The following NECTIN1 variants were observed in gnomAD, a reference collection of about 807,000 sequenced individuals.
The protein encoded by NECTIN1 is nectin cell adhesion molecule 1.
A neutral mutation model predicts 48.0 loss-of-function variants in NECTIN1; 23 were observed. The ratio of observed to expected loss-of-function variants is 0.48; its 90% confidence interval spans 0.34 to 0.68. The LOEUF (loss-of-function observed/expected upper bound fraction) is 0.68. Among genes scored for constraint, NECTIN1 ranks in the 30% least tolerant of loss-of-function variants. NECTIN1 has a pLI of 0.01. For synonymous variants in NECTIN1, 270 were observed against 288.9 expected (o/e 0.93, Z 0.66); for missense variants, 591 against 709.9 (o/e 0.83, Z 1.90).
rs1865104635 is a variant in NECTIN1, at chr11:119,683,792, C to A, written c.80-5027G>T. Among the ~76,000 whole-genome samples the A allele has an allele frequency of 6.6e-6, 1 of 152,014 alleles. No individual in the cohort carries two copies. On this transcript the variant is annotated intron_variant, in intron 1 of 5. Transcript: ENST00000264025. The surrounding 1 kb of genome is among the most constrained non-coding windows in gnomAD (Gnocchi z 4.0). Reference sequence around the variant, plus strand: ...GCACTGCCTATATTCTCCCTGACCACCCTATGAGCTCCAGGATCTGGGACC... The same window carrying A: ...GCACTGCCTATATTCTCCCTGACCAACCTATGAGCTCCAGGATCTGGGACC...
chr11:119,712,796 G>A (rs1396249483), intron 1 of NECTIN1: 6 of 152,224 alleles, frequency 3.9e-5, no homozygotes, highest in African/African-American at 1.4e-4. Context: ...TAAACTGCCA[G>A]TCCTGGAGTC....
intron 5 of NECTIN1, chr11:119,641,386 C>T (rs993655526): frequency 6.6e-6 from 1 of 152,234 alleles, no homozygotes; most frequent in Admixed American, 6.5e-5. Context: ...ACTTAAGTTC[C>T]TCCAAGAGTT....
chr11:119,647,267 C>T (rs1323167449), intron 5 of NECTIN1, among the ~76,000 whole-genome samples: 1 of 148,946 alleles, frequency 6.7e-6, no homozygotes, highest in East Asian at 2.0e-4. Context: ...TCACTTCCCA[C>T]TTCACCTAGG....
In NECTIN1 at chr11:119,677,958, C is replaced by T; in HGVS notation, c.431-101G>A. 8.2e-7 allele frequency: 1 copy of T among 1,215,478 alleles called. No individual in the cohort carries two copies. Among genetic ancestry groups the T allele is most frequent in the South Asian group, 1.3e-5 (1 of 79,000 alleles). The allele number at this position is 1,215,478 out of a possible 1,614,324, so 75.3% of individuals were successfully genotyped here. A position where few individuals can be genotyped will look rare whatever the true frequency, so the allele number is the denominator to read the frequency against. Reference sequence around the variant, plus strand: ...ATCCGTCAGGCCTTGTCTTCAGGTCCCCTTGGCCATCCCTGCCTCTCAGCT... The same window carrying T: ...ATCCGTCAGGCCTTGTCTTCAGGTCTCCTTGGCCATCCCTGCCTCTCAGCT... On this transcript the variant is annotated intron_variant, in intron 2 of 5. Coordinates refer to ENST00000264025, the MANE Select transcript of NECTIN1 (RefSeq NM_002855.5). The surrounding 1 kb of genome is among the most constrained non-coding windows in gnomAD (Gnocchi z 5.4).
chr11:119,655,343 G>A (rs532175725), intron 5 of NECTIN1, among the ~76,000 whole-genome samples: 49 of 152,064 alleles, frequency 3.2e-4, no homozygotes, highest in African/African-American at 1.1e-3. Context: ...TAAAAATCCC[G>A]TACTAAAAAT....
chr11:119,674,410 C>T (rs1202165563), intron 5 of NECTIN1: 3 of 1,518,022 alleles, frequency 2.0e-6, no homozygotes, highest in Non-Finnish European at 2.7e-6. Flanking sequence ...GAACATTGGC[C>T]ATTTATTGAC....
intron 1 of NECTIN1, chr11:119,713,901 G>A (rs776316010): frequency 6.6e-6 from 3 of 455,734 alleles, no homozygotes; most frequent in South Asian, 3.1e-5. Flanking sequence ...TGCCAGGGGG[G>A]TGCCAAGGAG....
At chr11:119,638,622 G>A (rs1297332268) in intron 7 of NECTIN1, 10 of 1,015,462 alleles carry the variant, frequency 9.8e-6, no homozygotes, top group Non-Finnish European at 1.5e-5. Context: ...ACTGGACCAT[G>A]AAGGCGTGGC....
chr11:119,712,931 C>G (rs1311983742), intron 1 of NECTIN1: 1 of 152,220 alleles, frequency 6.6e-6, no homozygotes, highest in Non-Finnish European at 1.5e-5. Context: ...CATCTGCTGA[C>G]TGACCTCACC....
At chr11:119,686,335 G>C (rs1865153787) in intron 1 of NECTIN1, among the ~76,000 whole-genome samples, 1 of 152,010 alleles carries the variant, frequency 6.6e-6, no homozygotes, top group Non-Finnish European at 1.5e-5. Flanking sequence ...TTGAACCTTA[G>C]CACCTGCCAT....
intron 1 of NECTIN1, 132 bp downstream of exon 1, chr11:119,728,343 C>G (rs1035056693): frequency 1.2e-6 from 1 of 841,018 alleles, no homozygotes; most frequent in Non-Finnish European, 1.9e-6. Flanking sequence ...CCTCCCACCC[C>G]CTTTACCCAA....
chr11:119,641,161 A>C (rs1864318182), intron 5 of NECTIN1: 1 of 152,112 alleles, frequency 6.6e-6, no homozygotes, highest in African/African-American at 2.4e-5. Context: ...CCTGTCTGCA[A>C]AGGCTCTGGC....
downstream of NECTIN1, among the ~76,000 whole-genome samples, chr11:119,656,994 A>C (rs1052677879): frequency 1.3e-5 from 2 of 151,876 alleles, no homozygotes; most frequent in African/African-American, 4.8e-5. Context: ...AACCCCAAAA[A>C]CCTGCTTCAC....
chr11:119,686,530 C>G (rs1438140364), intron 1 of NECTIN1, among the ~76,000 whole-genome samples: 20 of 152,206 alleles, frequency 1.3e-4, no homozygotes, highest in Non-Finnish European at 2.5e-4. Context: ...TTCAGACCCT[C>G]CCATGGTATC....
rs184767627 is a variant in NECTIN1 at position 119,673,853 on chromosome 11, C to T, written c.1003+1306G>A. On this transcript the variant is annotated intron_variant, in intron 5 of 5. Transcript: ENST00000264025. The surrounding 1 kb of genome is among the most constrained non-coding windows in gnomAD (Gnocchi z 5.8). ...CACCGGCCCCTTCCACCTGCCAACC[C>T]GTGGAAACCCCCCAGCTTTCCCCAG... is the stretch of plus-strand genomic sequence containing the variant. Among the ~76,000 whole-genome samples the T allele has an allele frequency of 2.3e-3, 350 of 152,314 alleles. 3 individuals are homozygous for T. Among genetic ancestry groups the T allele is most frequent in the Non-Finnish European group, 3.8e-3 (260 of 68,038 alleles).
At chr11:119,686,763 G>A (rs1371272061) in intron 1 of NECTIN1, among the ~76,000 whole-genome samples, 1 of 152,174 alleles carries the variant, frequency 6.6e-6, no homozygotes, top group Admixed American at 6.5e-5. Flanking sequence ...TTTCAAGGGG[G>A]AGGCTTCCCG....
Position 119,665,749 on chromosome 11 carries a change from G to C in NECTIN1, c.1004-452C>G, listed in dbSNP as rs1864757878. On this transcript the variant is annotated intron_variant, in intron 5 of 5. Coordinates refer to ENST00000264025, the MANE Select transcript of NECTIN1 (RefSeq NM_002855.5). The surrounding 1 kb of genome is among the most constrained non-coding windows in gnomAD (Gnocchi z 5.1). ...GCAGAGGTTAAAGAACTTGCCTGAG[G>C]CCACCCAGCAATGATGCATCGTTGC... Among the ~76,000 whole-genome samples, 1 of 152,114 alleles carries C rather than the reference G, an allele frequency of 6.6e-6. No homozygotes were observed. Among genetic ancestry groups the C allele is most frequent in the Non-Finnish European group, 1.5e-5 (1 of 68,022 alleles).
intron 5 of NECTIN1, among the ~76,000 whole-genome samples, chr11:119,651,500 C>T (rs1340121680): frequency 2.0e-5 from 3 of 152,102 alleles, no homozygotes; most frequent in Non-Finnish European, 4.4e-5. Flanking sequence ...GGAGCCTGCT[C>T]CTACCGTGGT....
downstream of NECTIN1, among the ~76,000 whole-genome samples, chr11:119,657,170 T>A (rs925641576): frequency 2.0e-5 from 3 of 152,296 alleles, no homozygotes; most frequent in Middle Eastern, 0.01. Flanking sequence ...TCAAACCCTA[T>A]GTGTGTTAAC....
Sources: gnomAD v4.1 joint callset for allele counts (sites outside exome capture counted in the v4.1 genomes callset) on GRCh38, gnomAD v4.1.1 for gene constraint, Gnocchi (gnomAD v3.1) non-coding constraint, MANE v1.5 for transcripts, NCBI Gene and HGNC (gene_info 2026-07-23, HGNC 2026-07-21) for gene names.